The following SMAD7 variants were observed in gnomAD, a reference collection of about 807,000 sequenced individuals.
SMAD7 encodes the protein SMAD family member 7, also known as MAD (mothers against decapentaplegic, Drosophila) homolog 7.
SMAD7 carries 8 observed loss-of-function variants against 38.7 expected under a neutral mutation model. That is an observed-to-expected ratio of 0.21 (90% CI 0.12 to 0.37). The LOEUF (loss-of-function observed/expected upper bound fraction) is 0.37. SMAD7 is among the 10% of genes least tolerant of loss of function. The probability of loss-of-function intolerance (pLI) is 1.00; values close to 1 mark genes in which losing one functional copy is unlikely to be tolerated. For synonymous variants in SMAD7, 327 were observed against 265.1 expected, an observed-to-expected ratio of 1.23 and a Z score of -2.27; for missense variants, 477 against 577.9, an observed-to-expected ratio of 0.83 and a Z score of 1.79.
chr18:48,942,791 T>G (rs2070157308), intron 2 of SMAD7: 1 of 1,353,450 alleles, frequency 7.4e-7, no homozygotes, highest in African/African-American at 1.5e-5. Flanking sequence ...ATTACTCGAG[T>G]CAGGCTCAAT....
chr18:48,931,770 T>C (rs567312179), intron 3 of SMAD7, among the ~76,000 whole-genome samples: 2 of 152,386 alleles, frequency 1.3e-5, no homozygotes, highest in East Asian at 3.9e-4. Flanking sequence ...CAAGGCCATG[T>C]GGCCAGCCAG....
intron 2 of SMAD7, among the ~76,000 whole-genome samples, chr18:48,946,858 C>T (rs1402389012): frequency 6.6e-6 from 1 of 152,296 alleles, no homozygotes; most frequent in Non-Finnish European, 1.5e-5. Flanking sequence ...GGGAACATGG[C>T]CTTTCTTTTC....
intron 3 of SMAD7, among the ~76,000 whole-genome samples, chr18:48,937,237 T>C (rs1002277587): frequency 6.6e-6 from 1 of 150,452 alleles, no homozygotes; most frequent in African/African-American, 2.5e-5. Context: ...TCTACGCAGC[T>C]ACAGTCAGGC....
At position 48,948,363 on chromosome 18, in the gene SMAD7, T is replaced by C. The variant is rs766477916; in HGVS notation, c.667+21A>G. ...TTTCTAACTTAAGATAAGCAGGATA[T>C]TTTAAAAATCATCTACTCACCAGTT... On this transcript the variant is annotated intron_variant, in intron 2 of 3. Coordinates refer to ENST00000262158, the MANE Select transcript of SMAD7 (RefSeq NM_005904.4). 4.5e-6 allele frequency: 7 copies of C among 1,551,068 alleles called. No homozygotes were observed. In the African/African-American group the frequency reaches 8.3e-5, roughly 18 times the overall value.
chr18:48,947,902 C>CG lies in SMAD7; in HGVS notation c.667+481_667+482insC, dbSNP rs989977783. 1.9e-4 allele frequency among the ~76,000 whole-genome samples: 29 copies of CG among 150,760 alleles called. 1 individual carries two copies. The highest frequency in any genetic ancestry group is 5.8e-4 in the African/African-American group (24 of 41,072). On this transcript the variant is annotated intron_variant, in intron 2 of 3. Coordinates refer to ENST00000262158, the MANE Select transcript of SMAD7 (RefSeq NM_005904.4). The stretch of plus-strand genomic sequence containing the variant: ...GAGCAGGAGGAACCTACCCCCCCCC[C>CG]CCTTTTACTGGCTGTTGCCTATACT...
Position 48,950,461 on chromosome 18 carries a change from G to A in SMAD7, c.-37C>T. 6.5e-7 allele frequency: 1 copy of A among 1,531,442 alleles called. No individual in the cohort carries two copies. The highest frequency in any genetic ancestry group is 8.8e-7 in the Non-Finnish European group (1 of 1,140,372). 94.9% of individuals were successfully genotyped at this position (1,531,442 alleles called of 1,614,324 possible). A position where few individuals can be genotyped will look rare whatever the true frequency, so the allele number is the denominator to read the frequency against. On this transcript the variant is annotated 5_prime_UTR_variant, in exon 1 of 4. Coordinates refer to ENST00000262158, the MANE Select transcript of SMAD7 (RefSeq NM_005904.4). Reference sequence around the variant, plus strand: ...AGGCGAGGAGAAAAGTCGTTTGCCTGCTAAGGAGCGAACATGACCTCCGCA... The same window carrying A: ...AGGCGAGGAGAAAAGTCGTTTGCCTACTAAGGAGCGAACATGACCTCCGCA...
intron 2 of SMAD7, 198 bp from the exon 3 acceptor site, chr18:48,942,753 C>A (rs909262865): frequency 1.4e-6 from 2 of 1,430,144 alleles, no homozygotes; most frequent in African/African-American, 1.5e-5. Context: ...CCTTGTCACC[C>A]GTCTGGGCTC....
chr18:48,940,973 G>C (rs545643855), intron 3 of SMAD7, among the ~76,000 whole-genome samples: 2 of 152,276 alleles, frequency 1.3e-5, no homozygotes, highest in East Asian at 3.9e-4. Context: ...CCTTCCGAAA[G>C]GACCCTTTCA....
chr18:48,950,497 A>T lies in SMAD7; in HGVS notation c.-73T>A. ...AACATGACCTCCGCACACCATGAAG[A>T]AGTCGGGCGCCGAGTTGGGGCAGCA... is the stretch of plus-strand genomic sequence containing the variant. On this transcript the variant is annotated 5_prime_UTR_variant, in exon 1 of 4. Transcript: ENST00000262158. 3 of 1,414,116 alleles carry T rather than the reference A, an allele frequency of 2.1e-6. No individual in the cohort carries two copies. Among genetic ancestry groups the T allele is most frequent in the South Asian group, 1.4e-5 (1 of 70,068 alleles). The allele number at this position is 1,414,116 out of a possible 1,614,324, so 87.6% of individuals were successfully genotyped here.
chr18:48,945,076 G>A (rs2070181232), intron 2 of SMAD7, among the ~76,000 whole-genome samples: 1 of 152,156 alleles, frequency 6.6e-6, no homozygotes, highest in African/African-American at 2.4e-5. Context: ...TAAAGACAGA[G>A]GAGCCCCTAC....
chr18:48,925,705 C>CCA (rs2069918525), intron 3 of SMAD7, among the ~76,000 whole-genome samples: 1 of 152,154 alleles, frequency 6.6e-6, no homozygotes, highest in Admixed American at 6.5e-5. Context: ...GGCCTCAAGG[C>CCA]CACATTTTAG....
rs189546111 is a variant in SMAD7 at position 48,921,061 on chromosome 18, G to A, written c.*311C>T. ...ACTCCTGACAAGTGAAATGATGACCGCCCCCCTTCATACACTGTGTTTGGT... is the reference window on the plus strand; with the variant it reads ...ACTCCTGACAAGTGAAATGATGACCACCCCCCTTCATACACTGTGTTTGGT... On this transcript the variant is annotated 3_prime_UTR_variant, in exon 4 of 4. Transcript: ENST00000262158. This position sits in a 1 kb window ranked among gnomAD's most constrained non-coding sequence, Gnocchi z 6.4. The A allele has an allele frequency of 4.3e-5, 16 of 367,850 alleles. No homozygotes were observed. The highest frequency in any genetic ancestry group is 2.7e-4 in the African/African-American group (13 of 48,366). The allele number at this position is 367,850 out of a possible 1,614,324, so 22.8% of individuals were successfully genotyped here. A position where few individuals can be genotyped will look rare whatever the true frequency, so the allele number is the denominator to read the frequency against.
chr18:48,946,164 T>C (rs770957333), intron 2 of SMAD7, among the ~76,000 whole-genome samples: 1 of 152,172 alleles, frequency 6.6e-6, no homozygotes, highest in Non-Finnish European at 1.5e-5. Context: ...CAGGATGTAT[T>C]CCTTTAGTTG....
At position 48,950,310 on chromosome 18, in the gene SMAD7, C is replaced by T. The variant is rs144204026; in HGVS notation, c.115G>A (p.Gly39Arg). 13,584 of 1,534,718 alleles carry T rather than the reference C, an allele frequency of 8.9e-3. 86 individuals carry two copies. Among genetic ancestry groups the T allele is most frequent in the Non-Finnish European group, 0.011 (12,227 of 1,141,120 alleles). ...GCTCGGCTGTCCGTCGCCCCTTCTC[C>T]CCGCAGCTCGCCTCCTCCTCCACCT... ...GGGGGGGELRGEGATDSRAHG... is the reference protein window; with the variant it reads ...GGGGGGGELRREGATDSRAHG... The change falls in exon 1 of 4, where the codon GGA becomes AGA. Residue 39 changes from glycine (G) to arginine (R), a missense_variant. This residue lies in a region of SMAD7 where 376 missense variants were observed against 379.4 expected (regional missense o/e 0.99). Transcript: ENST00000262158.
Position 48,921,654 on chromosome 18 carries a change from G to A in SMAD7, c.999C>T (p.Tyr333=). ...LTREVDGVWV[Y]NRSSYPIFIK... Reference sequence around the variant, plus strand: ...TGAAGATGGGGTAACTGCTGCGGTTGTACACCCACACACCATCCACCTCCC... The same window carrying A: ...TGAAGATGGGGTAACTGCTGCGGTTATACACCCACACACCATCCACCTCCC... The change falls in exon 4 of 4, where the codon TAC becomes TAT. Residue 333 remains tyrosine, a synonymous_variant. Transcript: ENST00000262158. This position sits in a 1 kb window ranked among gnomAD's most constrained non-coding sequence, Gnocchi z 6.4. The A allele has an allele frequency of 6.2e-7, 1 of 1,613,126 alleles. No homozygotes were observed. Among genetic ancestry groups the A allele is most frequent in the Non-Finnish European group, 8.5e-7 (1 of 1,179,262 alleles).
At chr18:48,949,046 T>C (rs945877757) in intron 1 of SMAD7, among the ~76,000 whole-genome samples, 2 of 151,988 alleles carry the variant, frequency 1.3e-5, no homozygotes, top group Non-Finnish European at 2.9e-5. Context: ...AGTTTCAGGG[T>C]CTCAGCCGAG....
chr18:48,929,037 G>C (rs2069961656), intron 3 of SMAD7, among the ~76,000 whole-genome samples: 2 of 152,120 alleles, frequency 1.3e-5, no homozygotes, highest in African/African-American at 4.8e-5. Flanking sequence ...TCCTCTGAGA[G>C]AGGCCTCAGA....
Position 48,950,101 on chromosome 18 carries a change from C to T in SMAD7, c.324G>A (p.Leu108=). Residue 108 remains leucine (L), a synonymous_variant, in exon 1 of 4, where the codon CTG becomes CTA. Coordinates refer to ENST00000262158, the MANE Select transcript of SMAD7 (RefSeq NM_005904.4). ...ACTCCACGGCCTGGAGCAGCAGCTC[C>T]AGCTGCCGCTCCTTCAGTTTCTTGA... ...SVLKKLKERQ[L]ELLLQAVESR... is the part of the protein sequence containing the mutation. 1 of 1,480,818 alleles carries T rather than the reference C, an allele frequency of 6.8e-7. No homozygotes were observed. The highest frequency in any genetic ancestry group is 8.9e-7 in the Non-Finnish European group (1 of 1,118,782). 91.7% of individuals were successfully genotyped at this position (1,480,818 alleles called of 1,614,324 possible).
intron 3 of SMAD7, among the ~76,000 whole-genome samples, chr18:48,926,907 C>T (rs1599221798): frequency 6.6e-6 from 1 of 152,188 alleles, no homozygotes; most frequent in Non-Finnish European, 1.5e-5. Context: ...GACTCCAGTG[C>T]CAATCCATCC....
Sources: gnomAD v4.1 joint callset for allele counts (sites outside exome capture counted in the v4.1 genomes callset) on GRCh38, gnomAD v4.1.1 for gene constraint, gnomAD v4.1.1 regional missense constraint, Gnocchi (gnomAD v3.1) non-coding constraint, MANE v1.5 for transcripts, NCBI Gene and HGNC (gene_info 2026-07-23, HGNC 2026-07-21) for gene names.